The following RSRC1 variants were observed in gnomAD, a reference collection of about 807,000 sequenced individuals.
The protein encoded by RSRC1 is arginine and serine rich coiled-coil 1.
A neutral mutation model predicts 49.1 loss-of-function variants in RSRC1; 39 were observed. That is an observed-to-expected ratio of 0.79 (90% CI 0.61 to 1.04). The LOEUF (loss-of-function observed/expected upper bound fraction) is 1.04. Ranked by LOEUF, RSRC1 falls within the 50% of genes least tolerant of loss-of-function variation. The probability of loss-of-function intolerance (pLI) is 0.00; values close to 1 mark genes in which losing one functional copy is unlikely to be tolerated. For synonymous variants in RSRC1, 143 were observed against 130.8 expected (o/e 1.09, Z -0.63); for missense variants, 388 against 402.4 (o/e 0.96, Z 0.31).
At chr3:158,265,345 T>C (rs1389231807) in intron 4 of RSRC1, among the ~76,000 whole-genome samples, 1 of 152,170 alleles carries the variant, frequency 6.6e-6, no homozygotes, top group Non-Finnish European at 1.5e-5. Flanking sequence ...AAAATTTTAC[T>C]CCAGGCTGGG....
intron 6 of RSRC1, among the ~76,000 whole-genome samples, chr3:158,359,020 T>C (rs1343846414): frequency 1.3e-5 from 2 of 152,174 alleles, no homozygotes; most frequent in African/African-American, 4.8e-5. Context: ...CATTTGAATA[T>C]GTGTGTATAT....
chr3:158,515,423 G>T (rs1370841869), intron 7 of RSRC1, among the ~76,000 whole-genome samples: 1 of 128,640 alleles, frequency 7.8e-6, no homozygotes, highest in Non-Finnish European at 1.6e-5. Flanking sequence ...GTTGAATATT[G>T]GCCCCGACTC....
At chr3:158,230,934 C>T (rs1465183415) in intron 4 of RSRC1, among the ~76,000 whole-genome samples, 4 of 152,064 alleles carry the variant, frequency 2.6e-5, no homozygotes, top group Admixed American at 6.6e-5. Flanking sequence ...GACTGTCACA[C>T]GTCCTTTCTC....
chr3:158,271,425 A>G (rs1386774863), intron 4 of RSRC1, among the ~76,000 whole-genome samples: 1 of 152,144 alleles, frequency 6.6e-6, no homozygotes, highest in East Asian at 1.9e-4. Flanking sequence ...GATTTGATGG[A>G]TACAGGCCTG....
chr3:158,154,582 A>C (rs1049349448), intron 3 of RSRC1, among the ~76,000 whole-genome samples: 2 of 151,256 alleles, frequency 1.3e-5, no homozygotes, highest in Admixed American at 1.3e-4. Flanking sequence ...CTCCTGTCTC[A>C]GCCTCCTGAG....
intron 3 of RSRC1, among the ~76,000 whole-genome samples, chr3:158,148,535 G>T (rs1292299059): frequency 1.3e-5 from 2 of 152,042 alleles, no homozygotes; most frequent in East Asian, 3.9e-4. Context: ...TTCTCTCTGG[G>T]CTTGTTTATT....
At chr3:158,454,453 C>T (rs1376209765) in intron 6 of RSRC1, among the ~76,000 whole-genome samples, 1 of 151,954 alleles carries the variant, frequency 6.6e-6, no homozygotes, top group Non-Finnish European at 1.5e-5. Context: ...TTTTGTAAGC[C>T]TCTTTACATT....
intron 3 of RSRC1, among the ~76,000 whole-genome samples, chr3:158,177,614 G>A (rs867691677): frequency 1.8e-4 from 28 of 151,920 alleles, no homozygotes; most frequent in South Asian, 1.3e-3. Flanking sequence ...ACACGGGGGC[G>A]GGGGAACATC....
intron 6 of RSRC1, among the ~76,000 whole-genome samples, chr3:158,441,691 A>G (rs1736387458): frequency 6.6e-6 from 1 of 152,186 alleles, no homozygotes; most frequent in South Asian, 2.1e-4. Context: ...GAATACAGCA[A>G]TACAGTAGAA....
At chr3:158,386,940 A>G (rs1733000499) in intron 6 of RSRC1, among the ~76,000 whole-genome samples, 1 of 152,126 alleles carries the variant, frequency 6.6e-6, no homozygotes, top group Admixed American at 6.6e-5. Flanking sequence ...GCAGACAACA[A>G]TGAAATAAGA....
At chr3:158,148,294 A>G (rs1304083620) in intron 3 of RSRC1, among the ~76,000 whole-genome samples, 2 of 152,104 alleles carry the variant, frequency 1.3e-5, no homozygotes, top group African/African-American at 4.8e-5. Flanking sequence ...TGGGTTGGAG[A>G]AGCAATTTGA....
chr3:158,144,388 G>T lies in RSRC1; in HGVS notation c.320+20397G>T, dbSNP rs185022962. 7.6e-3 allele frequency among the ~76,000 whole-genome samples: 1,156 copies of T among 151,958 alleles called. 6 individuals carry two copies. The highest frequency in any genetic ancestry group is 0.026 in the African/African-American group (1,097 of 41,428). On this transcript the variant is annotated intron_variant, in intron 3 of 9. Coordinates refer to ENST00000611884, the MANE Select transcript of RSRC1 (RefSeq NM_001271838.2). ...CTGTGAGTGAGAACATGCAGTGTTTGGTTTTTTGTCCTTGCGATAGTTTGC... is the reference window on the plus strand; with the variant it reads ...CTGTGAGTGAGAACATGCAGTGTTTTGTTTTTTGTCCTTGCGATAGTTTGC...
At chr3:158,429,142 C>A (rs1223501075) in intron 6 of RSRC1, among the ~76,000 whole-genome samples, 2 of 151,826 alleles carry the variant, frequency 1.3e-5, no homozygotes, top group African/African-American at 4.8e-5. Context: ...ACTTTCAGCC[C>A]TTCTAATAAT....
chr3:158,132,070 A>G, intron 3 of RSRC1: 1 of 435,284 alleles, frequency 2.3e-6, no homozygotes, highest in South Asian at 1.6e-5. Context: ...TGTAGCCTTT[A>G]CCTCCTTCAC....
At chr3:158,506,980 G>C (rs898438826) in intron 7 of RSRC1, among the ~76,000 whole-genome samples, 4 of 151,984 alleles carry the variant, frequency 2.6e-5, no homozygotes, top group African/African-American at 9.7e-5. Flanking sequence ...AAGATATGGA[G>C]TCAACCAAAG....
At position 158,493,281 on chromosome 3, in the gene RSRC1, C is replaced by T. The variant is rs562382140; in HGVS notation, c.652+32278C>T. 1.3e-5 allele frequency among the ~76,000 whole-genome samples: 2 copies of T among 152,238 alleles called. 1 individual carries two copies. The highest frequency in any genetic ancestry group is 4.8e-5 in the African/African-American group (2 of 41,550). On this transcript the variant is annotated intron_variant, in intron 7 of 9. Transcript: ENST00000611884. ...GGAGGCACCAATAAACTTTTATTCT[C>T]CCCAGTAGAAGTCTTTGAAGCAGTT...
At chr3:158,181,090 C>T (rs2108252522) in intron 3 of RSRC1, among the ~76,000 whole-genome samples, 1 of 152,280 alleles carries the variant, frequency 6.6e-6, no homozygotes, top group East Asian at 1.9e-4. Flanking sequence ...AGGCGTGAGC[C>T]ACCGCCCCTG....
chr3:158,411,003 A>G (rs1734437239), intron 6 of RSRC1, among the ~76,000 whole-genome samples: 1 of 151,990 alleles, frequency 6.6e-6, no homozygotes, highest in Admixed American at 6.6e-5. Flanking sequence ...TTCACTATGT[A>G]TTGCTAAGTA....
chr3:158,356,317 A>T (rs564922764), intron 6 of RSRC1, among the ~76,000 whole-genome samples: 1 of 152,214 alleles, frequency 6.6e-6, no homozygotes, highest in South Asian at 2.1e-4. Flanking sequence ...GAAAATACAT[A>T]TGTGCATATT....
Sources: gnomAD v4.1 joint callset for allele counts (sites outside exome capture counted in the v4.1 genomes callset) on GRCh38, gnomAD v4.1.1 for gene constraint, MANE v1.5 for transcripts, NCBI Gene and HGNC (gene_info 2026-07-23, HGNC 2026-07-21) for gene names.